Variants in CHRNB3 observed in about 807,000 individuals in gnomAD.
The protein encoded by CHRNB3 is cholinergic receptor nicotinic beta 3 subunit.
A neutral mutation model predicts 40.6 loss-of-function variants in CHRNB3; 37 were observed. That is an observed-to-expected ratio of 0.91 (90% CI 0.70 to 1.20). The LOEUF (loss-of-function observed/expected upper bound fraction) is 1.20, where lower values mean the gene tolerates loss of function less well. CHRNB3 is among the 50% of genes most tolerant of loss of function. The pLI is 0.00. For synonymous variants in CHRNB3, 207 were observed against 207.1 expected (o/e 1.00, Z 0.00); for missense variants, 505 against 551.2 (o/e 0.92, Z 0.84).
chr8:42,735,145 G>A (rs922455115), intron 5 of CHRNB3, among the ~76,000 whole-genome samples: 4 of 150,986 alleles, frequency 2.6e-5, no homozygotes, highest in South Asian at 2.1e-4. Flanking sequence ...GTGTGAACCC[G>A]GGAGACGGAG....
chr8:42,732,288 G>T lies in CHRNB3; in HGVS notation c.981G>T (p.Thr327=). 6.2e-7 allele frequency: 1 copy of T among 1,607,996 alleles called. No homozygotes were observed. The highest frequency in any genetic ancestry group is 8.5e-7 in the Non-Finnish European group (1 of 1,178,352). Residue 327 remains threonine, a synonymous_variant, in exon 5 of 6, where the codon ACG becomes ACT. Transcript: ENST00000289957. ...ACGTTCACCACAGATCTTCTTCCAC[G>T]TACCACCCCATGGCCCCCTGGGTTA... ...VINVHHRSSS[T]YHPMAPWVKR... is the part of the protein sequence containing the mutation.
At chr8:42,713,786 G>T (rs1816057325) in intron 3 of CHRNB3, among the ~76,000 whole-genome samples, 1 of 152,094 alleles carries the variant, frequency 6.6e-6, no homozygotes, top group Non-Finnish European at 1.5e-5. Context: ...TCTACCACCT[G>T]ACTTAGGAAA....
chr8:42,710,860 CTT>C (rs1158409256), intron 3 of CHRNB3, among the ~76,000 whole-genome samples: 6 of 152,178 alleles, frequency 3.9e-5, no homozygotes, highest in Admixed American at 1.3e-4. Flanking sequence ...TCTAATACCT[CTT>C]GTTGCTTCCA....
chr8:42,698,671 CTT>C (rs1239828506), intron 1 of CHRNB3, among the ~76,000 whole-genome samples: 1 of 152,196 alleles, frequency 6.6e-6, no homozygotes, highest in Non-Finnish European at 1.5e-5. Context: ...GAAATTTGGA[CTT>C]TTCAAAGTCT....
chr8:42,733,958 G>A (rs547325541), intron 5 of CHRNB3, among the ~76,000 whole-genome samples: 6 of 148,800 alleles, frequency 4.0e-5, no homozygotes, highest in Admixed American at 1.3e-4. Flanking sequence ...GATATTAAGC[G>A]TAAAAAGTGA....
At chr8:42,724,439 A>G (rs1017411567) in intron 3 of CHRNB3, among the ~76,000 whole-genome samples, 2 of 152,040 alleles carry the variant, frequency 1.3e-5, no homozygotes, top group African/African-American at 4.8e-5. Context: ...ACAAGTGAAC[A>G]TTTATTTTTG....
At chr8:42,735,346 T>A (rs1816505188) in intron 5 of CHRNB3, among the ~76,000 whole-genome samples, 1 of 152,152 alleles carries the variant, frequency 6.6e-6, no homozygotes, top group African/African-American at 2.4e-5. Context: ...GAGACCAGCC[T>A]GGCTAACACG....
At chr8:42,701,508 CA>C (rs1815798313) in intron 1 of CHRNB3, among the ~76,000 whole-genome samples, 1 of 152,024 alleles carries the variant, frequency 6.6e-6, no homozygotes, top group East Asian at 1.9e-4. Context: ...CATGCCACTG[CA>C]CCCCAGCTGG....
At chr8:42,721,639 A>T (rs1473217792) in intron 3 of CHRNB3, among the ~76,000 whole-genome samples, 2 of 151,998 alleles carry the variant, frequency 1.3e-5, no homozygotes, top group African/African-American at 2.4e-5. Flanking sequence ...TGGGAGGATC[A>T]CTTGAGCCTG....
intron 3 of CHRNB3, among the ~76,000 whole-genome samples, chr8:42,716,866 A>C (rs1816118352): frequency 1.3e-5 from 2 of 152,090 alleles, no homozygotes; most frequent in African/African-American, 4.8e-5. Flanking sequence ...TGAGAGGACT[A>C]AATGACCCGG....
intron 3 of CHRNB3, among the ~76,000 whole-genome samples, chr8:42,724,380 A>G (rs752731747): frequency 3.9e-5 from 6 of 152,210 alleles, no homozygotes; most frequent in Non-Finnish European, 4.4e-5. Context: ...CCTACTTAAC[A>G]TAATACTACT....
chr8:42,716,604 A>G (rs909952103), intron 3 of CHRNB3, among the ~76,000 whole-genome samples: 1 of 152,100 alleles, frequency 6.6e-6, no homozygotes, highest in Non-Finnish European at 1.5e-5. Context: ...GTTTATGCAG[A>G]AATGTCTAGG....
In CHRNB3 at chr8:42,736,701, G is replaced by C. The variant is rs1034344036; in HGVS notation, c.*83G>C. On this transcript the variant is annotated 3_prime_UTR_variant, in exon 6 of 6. Coordinates refer to ENST00000289957, the MANE Select transcript of CHRNB3 (RefSeq NM_000749.5). ...AGACAGAATCCAAATGCATGTGCTT[G>C]TTCTACGAACCCCGAATGCGTTGTC... The C allele has an allele frequency of 1.3e-6, 2 of 1,513,882 alleles. No individual in the cohort carries two copies. The highest frequency in any genetic ancestry group is 1.8e-5 in the Admixed American group (1 of 56,548). 93.8% of individuals were successfully genotyped at this position (1,513,882 alleles called of 1,614,324 possible). A position where few individuals can be genotyped will look rare whatever the true frequency, so the allele number is the denominator to read the frequency against.
chr8:42,711,848 T>C (rs1816021483), intron 3 of CHRNB3, among the ~76,000 whole-genome samples: 1 of 151,438 alleles, frequency 6.6e-6, no homozygotes, highest in African/African-American at 2.4e-5. Context: ...CCCTTCCTCC[T>C]TCCCTCCCTT....
chr8:42,710,247 G>A, intron 2 of CHRNB3, 143 bp from the exon 3 acceptor site: 3 of 654,260 alleles, frequency 4.6e-6, no homozygotes, highest in Non-Finnish European at 8.0e-6. Context: ...GAGCCCCGGA[G>A]GTTGAGGGTG....
At chr8:42,704,750 A>C (rs1484210902) in intron 1 of CHRNB3, among the ~76,000 whole-genome samples, 4 of 152,000 alleles carry the variant, frequency 2.6e-5, no homozygotes, top group African/African-American at 9.7e-5. Context: ...GCCTCCCTGG[A>C]GTGCCTCCAT....
At chr8:42,731,617 A>C in intron 4 of CHRNB3, 50 bp from the exon 5 acceptor site, 1 of 1,516,876 alleles carries the variant, frequency 6.6e-7, no homozygotes, top group Non-Finnish European at 8.8e-7. Context: ...AAAGAACAAA[A>C]ACTAGCAGGT....
chr8:42,703,975 C>A (rs2128904560), intron 1 of CHRNB3, among the ~76,000 whole-genome samples: 1 of 152,320 alleles, frequency 6.6e-6, no homozygotes, highest in Middle Eastern at 3.4e-3. Context: ...AGGCAGAAAT[C>A]ATTTAATCTT....
chr8:42,733,576 C>T (rs889709629), intron 5 of CHRNB3, among the ~76,000 whole-genome samples: 4 of 149,276 alleles, frequency 2.7e-5, no homozygotes, highest in Non-Finnish European at 5.9e-5. Flanking sequence ...TTCTAATTAT[C>T]ATCCTCATCC....
Sources: allele counts gnomAD v4.1 joint callset (sites outside exome capture counted in the v4.1 genomes callset), GRCh38; gene constraint gnomAD v4.1.1; transcripts MANE v1.5; gene names NCBI Gene and HGNC (gene_info 2026-07-23, HGNC 2026-07-21).